The following SHROOM2 variants were observed in gnomAD, a reference collection of about 807,000 sequenced individuals.
SHROOM2 encodes the protein shroom family member 2, also known as protein Shroom2.
Under a neutral mutation model 75.9 loss-of-function variants are expected in SHROOM2, and 33 were observed. The observed-to-expected ratio is 0.43, with a 90% CI of 0.33 to 0.58. The LOEUF is 0.58. SHROOM2 is among the 20% of genes least tolerant of loss of function. SHROOM2 has a pLI of 0.04. For synonymous variants in SHROOM2, 655 were observed against 663.6 expected, an observed-to-expected ratio of 0.99 and a Z score of 0.20; for missense variants, 1,434 against 1,461.2, an observed-to-expected ratio of 0.98 and a Z score of 0.30.
intron 5 of SHROOM2, 60 bp from the exon 6 acceptor site, chrX:9,932,115 C>T (rs755241764): frequency 3.5e-5 from 36 of 1,024,638 alleles, no homozygotes; most frequent in Non-Finnish European, 4.6e-5. Flanking sequence ...AGGTCCAGTC[C>T]CTTGTGGTGG....
chrX:9,818,816 C>T, intron 1 of SHROOM2: 2 of 492,807 alleles, frequency 4.1e-6, no homozygotes, highest in Non-Finnish European at 7.3e-6. Context: ...CGCTCCTCAA[C>T]TGTTTTTTCC....
At position 9,927,912 on chromosome X, in the gene SHROOM2, T is replaced by C. The variant is rs2084610538; in HGVS notation, c.2892-4263T>C. Among the ~76,000 whole-genome samples the C allele has an allele frequency of 2.7e-5, 3 of 110,947 alleles. No homozygotes were observed. In the South Asian group the frequency reaches 1.2e-3, roughly 43 times the overall value. On this transcript the variant is annotated intron_variant, in intron 5 of 9. Transcript: ENST00000380913. Reference sequence around the variant, plus strand: ...GAGGGCTGTGTGGAGGCAGGGGCAGTGCAAGGAGACCTTGCATTCAGACAT... The same window carrying C: ...GAGGGCTGTGTGGAGGCAGGGGCAGCGCAAGGAGACCTTGCATTCAGACAT...
At chrX:9,917,648 G>A (rs1421634014) in intron 5 of SHROOM2, among the ~76,000 whole-genome samples, 1 of 111,255 alleles carries the variant, frequency 9.0e-6, no homozygotes, top group African/African-American at 3.3e-5. Flanking sequence ...AGCCTCCCAA[G>A]TAGCTGGGAT....
chrX:9,819,303 A>G, intron 1 of SHROOM2: 1 of 560,802 alleles, frequency 1.8e-6, no homozygotes, highest in Non-Finnish European at 3.0e-6. Flanking sequence ...TATCCCACCA[A>G]AATACTTGGT....
chrX:9,894,195 A>G (rs1244731057), intron 3 of SHROOM2, among the ~76,000 whole-genome samples, 163 bp from the exon 4 acceptor site: 1 of 111,415 alleles, frequency 9.0e-6, no homozygotes, highest in East Asian at 2.8e-4. Flanking sequence ...ACTAAAATCC[A>G]GATGTGCTGA....
chrX:9,823,894 G>A (rs2083874839), intron 1 of SHROOM2, among the ~76,000 whole-genome samples: 1 of 108,327 alleles, frequency 9.2e-6, no homozygotes, highest in Admixed American at 9.9e-5. Flanking sequence ...GAGGAGCTGG[G>A]ACTATAGGCA....
chrX:9,854,459 T>G (rs1433237185), intron 1 of SHROOM2, among the ~76,000 whole-genome samples: 1 of 112,019 alleles, frequency 8.9e-6, no homozygotes, highest in East Asian at 2.8e-4. Flanking sequence ...GAGATTGACC[T>G]GCTGAAGGCA....
At chrX:9,791,139 A>G (rs895306661) in intron 1 of SHROOM2, among the ~76,000 whole-genome samples, 6 of 105,618 alleles carry the variant, frequency 5.7e-5, no homozygotes, top group Admixed American at 2.0e-4. Flanking sequence ...TTATCTTTTG[A>G]AAAAAAAAAA....
intron 1 of SHROOM2, among the ~76,000 whole-genome samples, chrX:9,808,204 G>T (rs1055859458): frequency 9.0e-6 from 1 of 110,885 alleles, no homozygotes; most frequent in African/African-American, 3.3e-5. Flanking sequence ...TTACTTGGGG[G>T]TGGTCGGGGA....
chrX:9,830,653 G>A (rs190622194), intron 1 of SHROOM2, among the ~76,000 whole-genome samples: 233 of 80,338 alleles, frequency 2.9e-3, no homozygotes, highest in African/African-American at 0.011. Flanking sequence ...CCAGGCTGGA[G>A]TGCAATGGCG....
In SHROOM2 at chrX:9,891,214, C is replaced by T. The variant is rs1009312466; in HGVS notation, c.449+106C>T. The T allele has an allele frequency of 2.5e-5, 24 of 950,076 alleles. No homozygotes were observed. The African/African-American group carries it at 3.4e-4, about 13-fold the overall frequency. The allele number at this position is 950,076 out of a possible 1,213,427, so 78.3% of individuals were successfully genotyped here. A position where few individuals can be genotyped will look rare whatever the true frequency, so the allele number is the denominator to read the frequency against. On this transcript the variant is annotated intron_variant, in intron 3 of 9. Coordinates refer to ENST00000380913, the MANE Select transcript of SHROOM2 (RefSeq NM_001649.4). ...GATGTTTCTGATGAGACTGGGCCAC[C>T]GACACATAATCACAGTTGGAGGGCT...
intron 1 of SHROOM2, among the ~76,000 whole-genome samples, chrX:9,800,747 C>T (rs781035836): frequency 6.8e-4 from 74 of 108,799 alleles, no homozygotes; most frequent in African/African-American, 2.1e-3. Flanking sequence ...ATCTCCTGAG[C>T]GCAAGTGATT....
At chrX:9,811,648 G>A (rs2083792209) in intron 1 of SHROOM2, among the ~76,000 whole-genome samples, 1 of 112,209 alleles carries the variant, frequency 8.9e-6, no homozygotes. Context: ...CAGGTGCACT[G>A]CTCCAAGTTC....
rs199877667 is a variant in SHROOM2, at chrX:9,895,440, C to T, written c.1532C>T (p.Thr511Met). The T allele has an allele frequency of 3.5e-5, 42 of 1,207,568 alleles. No individual in the cohort carries two copies. The highest frequency in any genetic ancestry group is 5.3e-5 in the South Asian group (3 of 56,428). The change falls in exon 4 of 10, where the codon ACG (threonine) becomes ATG (methionine). Residue 511 changes from threonine (T) to methionine (M), a missense_variant. By Grantham distance (81) the Thr-to-Met change is moderately conservative. Around this residue, in one of 3 missense-constraint regions of SHROOM2, gnomAD observed 1,340 missense variants for 1,338.3 expected, o/e 1.00. Coordinates refer to ENST00000380913, the MANE Select transcript of SHROOM2 (RefSeq NM_001649.4). ...LGALESLPPP[T>M]VGQSPRHHLP... is the part of the protein sequence containing the mutation. ...GCCCTCGAGAGTCTTCCCCCACCCA[C>T]GGTGGGCCAGAGCCCACGCCATCAC...
intron 4 of SHROOM2, among the ~76,000 whole-genome samples, chrX:9,897,300 G>C (rs1450554103): frequency 3.6e-5 from 4 of 111,429 alleles, no homozygotes; most frequent in Non-Finnish European, 7.5e-5. Flanking sequence ...TCTTAGCCCT[G>C]CTTCAAAGTG....
intron 1 of SHROOM2, among the ~76,000 whole-genome samples, chrX:9,835,391 A>C (rs766938465): frequency 2.7e-4 from 30 of 112,624 alleles, no homozygotes; most frequent in African/African-American, 9.7e-4. Context: ...AGGAAGCAAG[A>C]GCAGCAGCAG....
rs147695083 is a variant in SHROOM2, at chrX:9,898,209, G to A, written c.2810G>A (p.Arg937Gln). 1,254 of 1,184,289 alleles carry A rather than the reference G, an allele frequency of 1.1e-3. No homozygotes were observed. The highest frequency in any genetic ancestry group is 1.3e-3 in the Non-Finnish European group (1,153 of 882,032). ...TTGCAGGAAGCTTCTGTCGAACTGC[G>A]AAGGCAGGCAGGGGACCCCGGCGAG... ...HYKQEASVELRRQAGDPGEPR... is the reference protein window; with the variant it reads ...HYKQEASVELQRQAGDPGEPR... The change falls in exon 5 of 10, where the codon CGA becomes CAA. Residue 937 changes from arginine to glutamine, a missense_variant. Coordinates refer to ENST00000380913, the MANE Select transcript of SHROOM2 (RefSeq NM_001649.4).
intron 5 of SHROOM2, among the ~76,000 whole-genome samples, chrX:9,925,968 T>C (rs989814446): frequency 1.4e-4 from 16 of 111,195 alleles, no homozygotes; most frequent in African/African-American, 5.2e-4. Flanking sequence ...TGCATGGTGT[T>C]ATGCTTTGGG....
rs770574453 is a variant in SHROOM2, at chrX:9,812,846, G to C, written c.165+26136G>C. The stretch of plus-strand genomic sequence containing the variant: ...CTGGTGGGCCTTGTGGACAGGAATG[G>C]AGAAAAAGGCATTTGCCAAGTCAAT... On this transcript the variant is annotated intron_variant, in intron 1 of 9. Coordinates refer to ENST00000380913, the MANE Select transcript of SHROOM2 (RefSeq NM_001649.4). Among the ~76,000 whole-genome samples, 5 of 112,454 alleles carry C rather than the reference G, an allele frequency of 4.4e-5. No homozygotes were observed. In the East Asian group the frequency reaches 8.4e-4, roughly 19 times the overall value.
Sources: allele counts gnomAD v4.1 joint callset (sites outside exome capture counted in the v4.1 genomes callset), GRCh38; gene constraint gnomAD v4.1.1; regional missense constraint gnomAD v4.1.1; transcripts MANE v1.5; gene names NCBI Gene and HGNC (gene_info 2026-07-23, HGNC 2026-07-21).